The following CRISPLD1 variants were observed in gnomAD, a reference collection of about 807,000 sequenced individuals.
CRISPLD1 encodes the protein cysteine rich secretory protein LCCL domain containing 1.
In CRISPLD1, 60 loss-of-function variants were observed where a neutral mutation model predicts 77.5. The ratio of observed to expected loss-of-function variants is 0.77; its 90% CI spans 0.63 to 0.96. The LOEUF is 0.96. Among genes scored for constraint, CRISPLD1 ranks in the 40% least tolerant of loss-of-function variants. The pLI is 0.00. For synonymous variants in CRISPLD1, 195 were observed against 200.1 expected (o/e 0.97, Z 0.22); for missense variants, 623 against 615.8 (o/e 1.01, Z -0.12).
intron 2 of CRISPLD1, among the ~76,000 whole-genome samples, chr8:75,010,585 A>T (rs975033906): frequency 5.3e-5 from 8 of 152,020 alleles, no homozygotes; most frequent in Non-Finnish European, 1.2e-4. Flanking sequence ...TTTAGTCATG[A>T]ATTAGTACTT....
chr8:75,005,223 T>C (rs1271732347), intron 2 of CRISPLD1, among the ~76,000 whole-genome samples: 1 of 152,104 alleles, frequency 6.6e-6, no homozygotes, highest in Admixed American at 6.6e-5. Context: ...CTAATTCTTA[T>C]GGGATACTAC....
intron 2 of CRISPLD1, chr8:75,000,186 G>A (rs1431501482): frequency 2.0e-6 from 2 of 985,046 alleles, no homozygotes; most frequent in Non-Finnish European, 2.4e-6. Context: ...AGGTGCTGCT[G>A]GTAATAAAAC....
intron 2 of CRISPLD1, among the ~76,000 whole-genome samples, chr8:74,998,167 G>A (rs780237391): frequency 6.6e-6 from 1 of 152,158 alleles, no homozygotes; most frequent in Non-Finnish European, 1.5e-5. Flanking sequence ...AGCGTTTAAT[G>A]AAGAAAACAG....
At chr8:75,004,393 CTCTT>C (rs1040680022) in intron 2 of CRISPLD1, among the ~76,000 whole-genome samples, 32 of 152,308 alleles carry the variant, frequency 2.1e-4, no homozygotes, top group African/African-American at 7.5e-4. Context: ...GCATCTCACA[CTCTT>C]TCAGCACAGA....
chr8:75,005,250 CA>C (rs1169600134), intron 2 of CRISPLD1, among the ~76,000 whole-genome samples: 4 of 152,056 alleles, frequency 2.6e-5, no homozygotes, highest in Admixed American at 2.0e-4. Flanking sequence ...TACAGGGTAT[CA>C]TCTAAGAGAC....
chr8:75,026,292 G>T (rs1813234467), intron 13 of CRISPLD1: 1 of 152,560 alleles, frequency 6.6e-6, no homozygotes, highest in Non-Finnish European at 1.5e-5. Context: ...TGTTGCCCAG[G>T]CTGGTGTGGC....
Position 75,012,928 on chromosome 8 carries a change from A to G in CRISPLD1, c.416A>G (p.Asp139Gly). ...PPTFHVQSWY[D>G]EVKDFSYPYE... ...ACGTTTCATGTACAATCGTGGTATG[A>G]TGAAGTGAAAGACTTTAGCTACCCA... Residue 139 changes from aspartate to glycine, a missense_variant, in exon 4 of 15, where the codon GAT (aspartate) becomes GGT (glycine). Coordinates refer to ENST00000262207, the MANE Select transcript of CRISPLD1 (RefSeq NM_031461.6). 1 of 1,612,930 alleles carries G rather than the reference A, an allele frequency of 6.2e-7. No homozygotes were observed. Among genetic ancestry groups the G allele is most frequent in the East Asian group, 2.2e-5 (1 of 44,848 alleles).
chr8:75,027,844 GCATT>G (rs1476928037), intron 13 of CRISPLD1, among the ~76,000 whole-genome samples: 1 of 151,712 alleles, frequency 6.6e-6, no homozygotes, highest in Admixed American at 6.6e-5. Flanking sequence ...ATATATTTCT[GCATT>G]CATTAAAAAA....
At chr8:75,000,515 C>A (rs1055721296) in intron 2 of CRISPLD1, 2 of 737,374 alleles carry the variant, frequency 2.7e-6, no homozygotes, top group African/African-American at 3.9e-5. Context: ...TCTTGCCAAG[C>A]CTGCTGCCCT....
At chr8:75,003,836 G>T (rs1812785668) in intron 2 of CRISPLD1, among the ~76,000 whole-genome samples, 1 of 152,084 alleles carries the variant, frequency 6.6e-6, no homozygotes, top group African/African-American at 2.4e-5. Flanking sequence ...GAAAATGTAA[G>T]GATTGTAATT....
At chr8:74,994,250 T>C (rs1812615485) in intron 2 of CRISPLD1, among the ~76,000 whole-genome samples, 1 of 151,898 alleles carries the variant, frequency 6.6e-6, no homozygotes, top group African/African-American at 2.4e-5. Context: ...ATGGAAAGAG[T>C]ATGAATATAA....
intron 2 of CRISPLD1, among the ~76,000 whole-genome samples, chr8:74,987,591 C>T (rs1198518870): frequency 6.6e-6 from 1 of 152,168 alleles, no homozygotes; most frequent in Non-Finnish European, 1.5e-5. Flanking sequence ...GTTAGCTCTT[C>T]TCAAAATACT....
At chr8:74,995,402 GTTCAAGAATGGGATCAGAAAAATTAA>G (rs1340420902) in intron 2 of CRISPLD1, among the ~76,000 whole-genome samples, 5 of 152,202 alleles carry the variant, frequency 3.3e-5, no homozygotes, top group African/African-American at 1.2e-4. Flanking sequence ...TCCCAGACTG[GTTCAAGAATGGGATCAGAAAAATTAA>G]TTCATTACTT....
chr8:74,986,014 C>CA lies in CRISPLD1; in HGVS notation c.28dup (p.Arg10LysfsTer10), dbSNP rs1446334371. The CA allele has an allele frequency of 1.3e-5, 21 of 1,614,146 alleles. No individual in the cohort carries two copies. The highest frequency in any genetic ancestry group is 1.6e-5 in the Non-Finnish European group (19 of 1,180,014). ...TGAAGTGTACCGCGCGGGAGTGGCTCAGAGTAACCACAGTGCTGTTCATGG... is the reference window on the plus strand; with the variant it reads ...TGAAGTGTACCGCGCGGGAGTGGCTCAAGAGTAACCACAGTGCTGTTCATGG... On this transcript the variant is annotated frameshift_variant, in exon 2 of 15. Coordinates refer to ENST00000262207, the MANE Select transcript of CRISPLD1 (RefSeq NM_031461.6). LOFTEE classifies it high-confidence loss of function.
At chr8:75,030,444 A>G (rs1307185368) in intron 14 of CRISPLD1, among the ~76,000 whole-genome samples, 1 of 152,128 alleles carries the variant, frequency 6.6e-6, no homozygotes, top group African/African-American at 2.4e-5. Context: ...TTGAGTTATA[A>G]AATTGGATAT....
rs556513348 is a variant in CRISPLD1, at chr8:75,011,543, T to C, written c.259-890T>C. On this transcript the variant is annotated intron_variant, in intron 2 of 14. Coordinates refer to ENST00000262207, the MANE Select transcript of CRISPLD1 (RefSeq NM_031461.6). Reference sequence around the variant, plus strand: ...GGTGTTTTTACCAGCACACATACTATACTGCATATTTTTCAAATTAATAAG... The same window carrying C: ...GGTGTTTTTACCAGCACACATACTACACTGCATATTTTTCAAATTAATAAG... Among the ~76,000 whole-genome samples, 4 of 152,178 alleles carry C rather than the reference T, an allele frequency of 2.6e-5. No homozygotes were observed. In the South Asian group the frequency reaches 8.3e-4, roughly 32 times the overall value.
intron 12 of CRISPLD1, among the ~76,000 whole-genome samples, chr8:75,021,668 T>C (rs1328129023): frequency 6.6e-6 from 1 of 152,196 alleles, no homozygotes; most frequent in Non-Finnish European, 1.5e-5. Flanking sequence ...GATTAGATCA[T>C]TGTTTGCTCT....
At chr8:75,006,488 T>C (rs928626737) in intron 2 of CRISPLD1, among the ~76,000 whole-genome samples, 1 of 152,132 alleles carries the variant, frequency 6.6e-6, no homozygotes, top group Non-Finnish European at 1.5e-5. Context: ...CAGCATGTCT[T>C]TAAAAGTCTC....
At chr8:75,021,652 A>G (rs1813138151) in intron 12 of CRISPLD1, among the ~76,000 whole-genome samples, 1 of 152,166 alleles carries the variant, frequency 6.6e-6, no homozygotes, top group African/African-American at 2.4e-5. Context: ...TAAGGCTCAC[A>G]TATTTGATTA....
Sources: gnomAD v4.1 joint callset for allele counts (sites outside exome capture counted in the v4.1 genomes callset) on GRCh38, gnomAD v4.1.1 for gene constraint, MANE v1.5 for transcripts, NCBI Gene and HGNC (gene_info 2026-07-23, HGNC 2026-07-21) for gene names.